GSDME: variants seen among roughly 807,000 people sequenced by gnomAD.
GSDME encodes gasdermin-E.
GSDME carries 44 observed loss-of-function variants against 47.5 expected under a neutral mutation model. That is an observed-to-expected ratio of 0.93 (90% CI 0.73 to 1.19). GSDME has a LOEUF of 1.19. Among genes scored for constraint, GSDME ranks in the 50% most tolerant of loss-of-function variants. GSDME has a pLI of 0.00. For synonymous variants in GSDME, 258 were observed against 252.8 expected (o/e 1.02, Z -0.20); for missense variants, 663 against 604.2 (o/e 1.10, Z -1.02).
rs865889081 is a variant in GSDME at position 24,713,344 on chromosome 7, C to T, written c.698-2956G>A. 2.6e-5 allele frequency among the ~76,000 whole-genome samples: 4 copies of T among 152,288 alleles called. No homozygotes were observed. In the Middle Eastern group the frequency reaches 0.01, roughly 388 times the overall value. ...ATCAGGGGAAGGTTGGAAAATCCTTCAGAGGTTTTATGACCTGCTACAGGG... is the reference window on the plus strand; with the variant it reads ...ATCAGGGGAAGGTTGGAAAATCCTTTAGAGGTTTTATGACCTGCTACAGGG... On this transcript the variant is annotated intron_variant, in intron 5 of 9. Coordinates refer to ENST00000645220, the MANE Select transcript of GSDME (RefSeq NM_001127453.2).
At chr7:24,790,441 A>C in the GSDME span, among the ~76,000 whole-genome samples, 363 of 152,304 alleles carry the variant, frequency 2.4e-3, 7 homozygotes, top group East Asian at 0.015. The surrounding 1 kb of genome is among the most constrained non-coding windows in gnomAD (Gnocchi z 4.1). Flanking sequence ...TAGACAGGGA[A>C]GCCCAGGAGT....
chr7:24,769,455 T>G, the GSDME span, among the ~76,000 whole-genome samples: 1 of 152,194 alleles, frequency 6.6e-6, no homozygotes, highest in Non-Finnish European at 1.5e-5. Context: ...TAACGAGGCC[T>G]GTCTTCAAGA....
At chr7:24,700,017 T>G (rs895911675) in intron 9 of GSDME, among the ~76,000 whole-genome samples, 4 of 152,188 alleles carry the variant, frequency 2.6e-5, no homozygotes, top group Admixed American at 6.5e-5. Context: ...CCCCTTCTCA[T>G]CACTCAGTTG....
At chr7:24,793,887 G>C in the GSDME span, among the ~76,000 whole-genome samples, 1 of 151,384 alleles carries the variant, frequency 6.6e-6, no homozygotes, top group South Asian at 2.1e-4. Flanking sequence ...TGTTAGCAAA[G>C]CTGTTGCCAC....
At chr7:24,757,486 T>C (rs1476845386), upstream of GSDME, 2 of 151,356 alleles carry the variant, frequency 1.3e-5, no homozygotes, top group Non-Finnish European at 3.0e-5. This position sits in a 1 kb window ranked among gnomAD's most constrained non-coding sequence, Gnocchi z 5.9. Flanking sequence ...GGGCGGGCGC[T>C]TGGGGAGGGC....
At chr7:24,765,820 C>A in the GSDME span, among the ~76,000 whole-genome samples, 1 of 152,190 alleles carries the variant, frequency 6.6e-6, no homozygotes, top group Non-Finnish European at 1.5e-5. Flanking sequence ...TTATATACAT[C>A]ATTTCATTGG....
chr7:24,755,232 G>C (rs898633459), intron 1 of GSDME, among the ~76,000 whole-genome samples: 1 of 152,170 alleles, frequency 6.6e-6, no homozygotes, highest in African/African-American at 2.4e-5. Flanking sequence ...TGAAAACAAG[G>C]CTTCTCTGTA....
At chr7:24,715,649 C>A in intron 5 of GSDME, 1 of 317,862 alleles carries the variant, frequency 3.1e-6, no homozygotes, top group Non-Finnish European at 6.6e-6. Context: ...CAATTTGATC[C>A]TCTTCATGAT....
chr7:24,710,547 C>T (rs1009237156), intron 5 of GSDME, 159 bp from the exon 6 acceptor site: 5 of 670,142 alleles, frequency 7.5e-6, no homozygotes, highest in Non-Finnish European at 1.0e-5. Context: ...TCCCTACACA[C>T]ATTATGTTGC....
rs1021984324 is a variant in GSDME at position 24,757,035 on chromosome 7, G to GT, written c.-20+360dup. Among the ~76,000 whole-genome samples, 1 of 151,148 alleles carries GT rather than the reference G, an allele frequency of 6.6e-6. No homozygotes were observed. The highest frequency in any genetic ancestry group is 6.6e-5 in the Admixed American group (1 of 15,228). ...AAGGATGAACGAATGGGGAGGGGGG[G>GT]TTTGGGGGGTTGGGAGAACGAAAAT... On this transcript the variant is annotated intron_variant, in intron 1 of 9. Transcript: ENST00000645220. This position sits in a 1 kb window ranked among gnomAD's most constrained non-coding sequence, Gnocchi z 5.9.
chr7:24,770,284 G>A, the GSDME span, among the ~76,000 whole-genome samples: 1 of 152,234 alleles, frequency 6.6e-6, no homozygotes, highest in East Asian at 1.9e-4. This position sits in a 1 kb window ranked among gnomAD's most constrained non-coding sequence, Gnocchi z 4.6. Context: ...TGTGCCTGGA[G>A]AGGACAGGAA....
At chr7:24,729,275 C>A (rs1337115034) in intron 3 of GSDME, among the ~76,000 whole-genome samples, 1 of 152,230 alleles carries the variant, frequency 6.6e-6, no homozygotes, top group African/African-American at 2.4e-5. Flanking sequence ...TCGGAAAAAT[C>A]ATGTGTTTAG....
chr7:24,740,664 G>A (rs369665267), intron 3 of GSDME, among the ~76,000 whole-genome samples: 3 of 151,472 alleles, frequency 2.0e-5, no homozygotes, highest in Non-Finnish European at 4.4e-5. Flanking sequence ...ATATATTTAC[G>A]TAAATATATG....
chr7:24,756,538 T>A lies in GSDME; in HGVS notation c.-20+858A>T, dbSNP rs1791023276. Among the ~76,000 whole-genome samples, 1 of 152,192 alleles carries A rather than the reference T, an allele frequency of 6.6e-6. No homozygotes were observed. The highest frequency in any genetic ancestry group is 2.1e-4 in the South Asian group (1 of 4,826). On this transcript the variant is annotated intron_variant, in intron 1 of 9. Transcript: ENST00000645220. The surrounding 1 kb of genome is among the most constrained non-coding windows in gnomAD (Gnocchi z 4.2). ...GCTTCTCCAACCCCACAGCACTCCT[T>A]TCATTCCACTTGGACTTGCCCCACC...
intron 4 of GSDME, 41 bp downstream of exon 4, chr7:24,719,006 A>T (rs1019172013): frequency 5.6e-6 from 9 of 1,609,034 alleles, no homozygotes; most frequent in African/African-American, 1.3e-5. Context: ...GGTCTCCAGG[A>T]CTGCTCAGCC....
At chr7:24,762,031 A>G (rs1791173754), upstream of GSDME, among the ~76,000 whole-genome samples, 1 of 152,132 alleles carries the variant, frequency 6.6e-6, no homozygotes. Flanking sequence ...AGGTGGGTAG[A>G]TCAGTTGAGC....
chr7:24,779,975 C>A, the GSDME span, among the ~76,000 whole-genome samples: 1 of 152,402 alleles, frequency 6.6e-6, no homozygotes, highest in South Asian at 2.1e-4. This position sits in a 1 kb window ranked among gnomAD's most constrained non-coding sequence, Gnocchi z 6.0. Context: ...AGCAGGAATG[C>A]TGTCTAGGCT....
chr7:24,736,885 T>C lies in GSDME; in HGVS notation c.404+7677A>G, dbSNP rs1225089972. On this transcript the variant is annotated intron_variant, in intron 3 of 9. Coordinates refer to ENST00000645220, the MANE Select transcript of GSDME (RefSeq NM_001127453.2). The surrounding 1 kb of genome is among the most constrained non-coding windows in gnomAD (Gnocchi z 4.6). ...GAATTTGTGAAACTATGCAAATACA[T>C]GGAAATTAAACAACATGCTCCTGAA... Among the ~76,000 whole-genome samples, 2 of 152,110 alleles carry C rather than the reference T, an allele frequency of 1.3e-5. No homozygotes were observed. The highest frequency in any genetic ancestry group is 4.8e-5 in the African/African-American group (2 of 41,440).
chr7:24,702,477 C>T (rs893383320), intron 9 of GSDME: 9 of 376,394 alleles, frequency 2.4e-5, no homozygotes, highest in Non-Finnish European at 4.6e-5. Context: ...GGCCAAAATT[C>T]TCTCCAAACA....
Sources: allele counts gnomAD v4.1 joint callset (sites outside exome capture counted in the v4.1 genomes callset), GRCh38; gene constraint gnomAD v4.1.1; non-coding constraint Gnocchi (gnomAD v3.1); transcripts MANE v1.5; gene names NCBI Gene and HGNC (gene_info 2026-07-23, HGNC 2026-07-21).